Variants in PPP1R9A observed in about 807,000 individuals in gnomAD.
PPP1R9A encodes protein phosphatase 1 regulatory subunit 9A.
In PPP1R9A, 59 loss-of-function variants were observed where a neutral mutation model predicts 141.9. The observed-to-expected ratio is 0.42, with a 90% CI of 0.34 to 0.52. PPP1R9A has a LOEUF of 0.52. Ranked by LOEUF, PPP1R9A falls within the 20% of genes least tolerant of loss-of-function variation. The probability of loss-of-function intolerance (pLI) is 0.10; values close to 1 mark genes in which losing one functional copy is unlikely to be tolerated. For synonymous variants in PPP1R9A, 500 were observed against 569.7 expected (o/e 0.88, Z 1.74); for missense variants, 1,444 against 1,611.9 (o/e 0.90, Z 1.78).
At chr7:95,123,663 A>G (rs903276603) in intron 4 of PPP1R9A, among the ~76,000 whole-genome samples, 12 of 152,208 alleles carry the variant, frequency 7.9e-5, no homozygotes, top group African/African-American at 2.6e-4. Context: ...ACAAAAAACA[A>G]AAAAAAACTT....
At chr7:95,211,619 A>G (rs188383982) in intron 7 of PPP1R9A, among the ~76,000 whole-genome samples, 21 of 152,224 alleles carry the variant, frequency 1.4e-4, no homozygotes, top group Non-Finnish European at 2.8e-4. Context: ...TTATATTTTT[A>G]CTAACTCTGG....
chr7:95,067,755 C>T (rs1051705422), intron 2 of PPP1R9A, among the ~76,000 whole-genome samples: 2 of 151,968 alleles, frequency 1.3e-5, no homozygotes, highest in African/African-American at 2.4e-5. Context: ...CTCCAAGAAG[C>T]TCATAAATAC....
In PPP1R9A at chr7:95,189,953, G is replaced by A. The variant is rs1187908496; in HGVS notation, c.1755-8396G>A. On this transcript the variant is annotated intron_variant, in intron 5 of 19. Coordinates refer to ENST00000433360, the MANE Select transcript of PPP1R9A (RefSeq NM_001166160.2). Reference sequence around the variant, plus strand: ...CTGGAGCATTTTTCATCCATATACTGTATTTTTTCCTTAATTTCTTTAAGC... The same window carrying A: ...CTGGAGCATTTTTCATCCATATACTATATTTTTTCCTTAATTTCTTTAAGC... Among the ~76,000 whole-genome samples the A allele has an allele frequency of 2.0e-5, 3 of 151,976 alleles. No homozygotes were observed. The East Asian group carries it at 5.8e-4, about 29-fold the overall frequency.
intron 2 of PPP1R9A, among the ~76,000 whole-genome samples, chr7:95,026,648 G>T (rs935303837): frequency 6.6e-6 from 1 of 152,156 alleles, no homozygotes; most frequent in African/African-American, 2.4e-5. Context: ...GAGCTGGCAG[G>T]CAGGGACGTT....
At chr7:95,071,387 G>A (rs772293873) in intron 2 of PPP1R9A, among the ~76,000 whole-genome samples, 1 of 151,838 alleles carries the variant, frequency 6.6e-6, no homozygotes, top group African/African-American at 2.4e-5. Context: ...AATCTATTTC[G>A]GGAGTTCCTT....
chr7:95,087,800 C>A (rs1282393218), intron 2 of PPP1R9A, among the ~76,000 whole-genome samples: 1 of 151,228 alleles, frequency 6.6e-6, no homozygotes, highest in Non-Finnish European at 1.5e-5. Context: ...GAGGCAGAAG[C>A]AGGAAAATCT....
intron 2 of PPP1R9A, among the ~76,000 whole-genome samples, chr7:95,011,553 C>T (rs1191455903): frequency 1.3e-5 from 2 of 152,128 alleles, no homozygotes; most frequent in Non-Finnish European, 2.9e-5. Flanking sequence ...ATATTTTTCA[C>T]TTTCTTCAGT....
intron 7 of PPP1R9A, chr7:95,214,432 C>G (rs776910415): frequency 1.3e-5 from 2 of 152,228 alleles, no homozygotes; most frequent in African/African-American, 4.8e-5. Context: ...GTGGGCCTCT[C>G]CCTGCTCATA....
chr7:95,076,790 T>G (rs1330780877), intron 2 of PPP1R9A, among the ~76,000 whole-genome samples: 4 of 152,066 alleles, frequency 2.6e-5, no homozygotes, highest in Admixed American at 1.3e-4. Flanking sequence ...GATATTTTCT[T>G]TCATTTTATT....
At chr7:95,286,956 T>G (rs983536988) in intron 18 of PPP1R9A, among the ~76,000 whole-genome samples, 18 of 152,164 alleles carry the variant, frequency 1.2e-4, no homozygotes, top group African/African-American at 4.3e-4. Flanking sequence ...TGATTTTTTA[T>G]TCACAAAACT....
intron 2 of PPP1R9A, among the ~76,000 whole-genome samples, chr7:94,942,719 A>G (rs970623584): frequency 6.6e-6 from 1 of 151,828 alleles, no homozygotes; most frequent in Non-Finnish European, 1.5e-5. Flanking sequence ...CAGGGGAATC[A>G]CTTGAACCTG....
intron 5 of PPP1R9A, among the ~76,000 whole-genome samples, chr7:95,187,486 A>AT (rs1287730724): frequency 1.3e-5 from 2 of 151,672 alleles, no homozygotes; most frequent in Non-Finnish European, 2.9e-5. Context: ...GATTTTTTGT[A>AT]TTTTTTGTTG....
At chr7:95,138,724 G>A (rs558419501) in intron 4 of PPP1R9A, among the ~76,000 whole-genome samples, 19 of 152,192 alleles carry the variant, frequency 1.2e-4, no homozygotes, top group Non-Finnish European at 2.4e-4. Flanking sequence ...CTTCAAAGTG[G>A]AAAACTTATG....
At chr7:95,222,829 A>G (rs1794642932) in intron 7 of PPP1R9A, among the ~76,000 whole-genome samples, 1 of 152,058 alleles carries the variant, frequency 6.6e-6, no homozygotes, top group Non-Finnish European at 1.5e-5. Context: ...GCGGTTTACA[A>G]CATTCTGCTG....
At position 95,204,596 on chromosome 7, in the gene PPP1R9A, ACACACACACAC is replaced by A. The variant is rs945052476; in HGVS notation, c.1956+883_1956+893del. 4.6e-5 allele frequency among the ~76,000 whole-genome samples: 7 copies of A among 151,424 alleles called. 1 individual carries two copies. Among genetic ancestry groups the A allele is most frequent in the South Asian group, 4.1e-4 (2 of 4,820 alleles). Reference sequence around the variant, plus strand: ...TAAGTAGTGTATACACATGCTTAACACACACACACACCACACACACACCACACTCACACCAC... The same window carrying A: ...TAAGTAGTGTATACACATGCTTAACACACACACACACCACACTCACACCAC... On this transcript the variant is annotated intron_variant, in intron 7 of 19. Transcript: ENST00000433360.
intron 2 of PPP1R9A, among the ~76,000 whole-genome samples, chr7:94,980,285 C>T (rs1013512771): frequency 2.6e-5 from 4 of 152,032 alleles, no homozygotes; most frequent in Admixed American, 6.6e-5. Flanking sequence ...TCATGCGGCC[C>T]GTGGGCCACA....
chr7:94,925,578 T>C (rs1345344008), intron 2 of PPP1R9A, among the ~76,000 whole-genome samples: 2 of 152,104 alleles, frequency 1.3e-5, no homozygotes, highest in Non-Finnish European at 2.9e-5. Context: ...GAGAGGATTA[T>C]ATGTTTGGAA....
chr7:95,292,844 C>T lies in PPP1R9A; in HGVS notation c.*2541C>T, dbSNP rs140889606. 1.3e-5 allele frequency: 2 copies of T among 152,154 alleles called. No individual in the cohort carries two copies. The highest frequency in any genetic ancestry group is 6.6e-5 in the Admixed American group (1 of 15,260). 9.4% of individuals were successfully genotyped at this position (152,154 alleles called of 1,614,324 possible). On this transcript the variant is annotated 3_prime_UTR_variant, in exon 20 of 20. Transcript: ENST00000433360. ...AAAGTGAAAGACCTCAGATCTTGTG[C>T]ACATTTTGTTTTCCTATTATTTCTT...
chr7:95,005,921 AT>A (rs1286558360), intron 2 of PPP1R9A, among the ~76,000 whole-genome samples: 4 of 152,170 alleles, frequency 2.6e-5, no homozygotes, highest in Non-Finnish European at 5.9e-5. Context: ...ACAAAAAAAA[AT>A]TGATGAGAAG....
Sources: allele counts gnomAD v4.1 joint callset (sites outside exome capture counted in the v4.1 genomes callset), GRCh38; gene constraint gnomAD v4.1.1; transcripts MANE v1.5; gene names NCBI Gene and HGNC (gene_info 2026-07-23, HGNC 2026-07-21).